TXK: variants seen among roughly 807,000 people sequenced by gnomAD.
TXK encodes TXK tyrosine kinase.
A neutral mutation model predicts 81.0 loss-of-function variants in TXK; 60 were observed. That is an observed-to-expected ratio of 0.74 (90% CI 0.60 to 0.92). The LOEUF (loss-of-function observed/expected upper bound fraction) is 0.92, where lower values mean the gene tolerates loss of function less well. Among genes scored for constraint, TXK ranks in the 40% least tolerant of loss-of-function variants. The pLI, the probability that TXK is intolerant of heterozygous loss-of-function variation, is 0.00. For missense variants in TXK, 581 were observed against 638.3 expected, an observed-to-expected ratio of 0.91 and a Z score of 0.97; for synonymous variants, 203 against 210.7, an observed-to-expected ratio of 0.96 and a Z score of 0.32.
chr4:48,083,110 C>T (rs1026154945), intron 10 of TXK, among the ~76,000 whole-genome samples: 5 of 152,316 alleles, frequency 3.3e-5, no homozygotes, highest in South Asian at 2.1e-4. Context: ...AAGCCATCTG[C>T]GGATCACAAG....
chr4:48,070,586 A>G (rs950573635), intron 14 of TXK, among the ~76,000 whole-genome samples: 1 of 151,702 alleles, frequency 6.6e-6, no homozygotes, highest in Admixed American at 6.6e-5. Context: ...TTATTTATTT[A>G]TTTATTTTTT....
At chr4:48,103,537 T>C (rs1308501537) in intron 6 of TXK, among the ~76,000 whole-genome samples, 1 of 152,248 alleles carries the variant, frequency 6.6e-6, no homozygotes, top group Non-Finnish European at 1.5e-5. Flanking sequence ...GCATTGAGTT[T>C]TGAGTTACAG....
In TXK at chr4:48,088,582, G is replaced by A. The variant is rs183117867; in HGVS notation, c.784+1168C>T. Among the ~76,000 whole-genome samples the A allele has an allele frequency of 1.5e-3, 229 of 152,206 alleles. 1 individual carries two copies. Among genetic ancestry groups the A allele is most frequent in the African/African-American group, 5.4e-3 (223 of 41,544 alleles). On this transcript the variant is annotated intron_variant, in intron 9 of 14. Transcript: ENST00000264316. Reference sequence around the variant, plus strand: ...CCAGACACAAAAAACTGCAGCGTCCGATTCTGTTTATATAACGTAATCAAA... The same window carrying A: ...CCAGACACAAAAAACTGCAGCGTCCAATTCTGTTTATATAACGTAATCAAA...
At chr4:48,074,566 T>C (rs1716991337) in intron 12 of TXK, among the ~76,000 whole-genome samples, 1 of 152,164 alleles carries the variant, frequency 6.6e-6, no homozygotes, top group South Asian at 2.1e-4. Flanking sequence ...AAATCTCTAA[T>C]GCACTAGAAT....
intron 1 of TXK, among the ~76,000 whole-genome samples, chr4:48,130,788 G>C (rs1455202044): frequency 6.6e-6 from 1 of 152,156 alleles, no homozygotes; most frequent in African/African-American, 2.4e-5. Flanking sequence ...ATACAAAAAG[G>C]AGTAAGATAG....
chr4:48,078,870 T>G (rs538426748), intron 11 of TXK, among the ~76,000 whole-genome samples: 4 of 152,308 alleles, frequency 2.6e-5, no homozygotes, highest in African/African-American at 7.2e-5. Context: ...GCAGAATGCT[T>G]GGCATATACT....
chr4:48,105,957 A>C (rs1177919716), intron 5 of TXK: 1 of 152,244 alleles, frequency 6.6e-6, no homozygotes, highest in African/African-American at 2.4e-5. Flanking sequence ...AGCTAAACAT[A>C]CAGTTTGATA....
At chr4:48,098,639 G>T (rs189773629) in intron 6 of TXK, among the ~76,000 whole-genome samples, 1 of 152,186 alleles carries the variant, frequency 6.6e-6, no homozygotes, top group Non-Finnish European at 1.5e-5. Flanking sequence ...ATCCAGCATC[G>T]TGCTATATGT....
At chr4:48,112,052 A>T (rs937021128) in intron 4 of TXK, among the ~76,000 whole-genome samples, 1 of 152,234 alleles carries the variant, frequency 6.6e-6, no homozygotes, top group Admixed American at 6.5e-5. Context: ...CAAATAAAGA[A>T]ACAAAAACTC....
In TXK at chr4:48,067,516, T is replaced by C. The variant is rs1005519054; in HGVS notation, c.*121A>G. On this transcript the variant is annotated 3_prime_UTR_variant, in exon 15 of 15. Coordinates refer to ENST00000264316, the MANE Select transcript of TXK (RefSeq NM_003328.3). ...TTTAAAAACTGTGATCTTTGCACTG[T>C]TTTCAAGAGTCAGCAACTCTGAAGA... 5 of 1,030,830 alleles carry C rather than the reference T, an allele frequency of 4.9e-6. No individual in the cohort carries two copies. In the Admixed American group the frequency reaches 8.5e-5, roughly 18 times the overall value. The allele number at this position is 1,030,830 out of a possible 1,614,324, so 63.9% of individuals were successfully genotyped here.
chr4:48,082,999 T>G (rs1717370087), intron 10 of TXK, among the ~76,000 whole-genome samples: 2 of 152,182 alleles, frequency 1.3e-5, no homozygotes, highest in South Asian at 4.1e-4. Context: ...TGTGACCTGA[T>G]CTTCCAGGAC....
chr4:48,130,943 ACT>A (rs1411662416), intron 1 of TXK, among the ~76,000 whole-genome samples: 2 of 151,862 alleles, frequency 1.3e-5, no homozygotes, highest in Non-Finnish European at 2.9e-5. Flanking sequence ...CTTAGAAACC[ACT>A]CTTTCTACTC....
chr4:48,120,465 T>A (rs1718927873), intron 1 of TXK, among the ~76,000 whole-genome samples: 1 of 151,732 alleles, frequency 6.6e-6, no homozygotes, highest in South Asian at 2.1e-4. Context: ...TGCTCTCTAT[T>A]TATTGTAAAA....
intron 8 of TXK, among the ~76,000 whole-genome samples, chr4:48,090,427 A>G (rs1031930560): frequency 5.3e-5 from 8 of 152,128 alleles, no homozygotes; most frequent in African/African-American, 1.9e-4. Flanking sequence ...ATCTTTGTTT[A>G]TTTGATTTTT....
intron 6 of TXK, among the ~76,000 whole-genome samples, chr4:48,104,109 G>A (rs1051092256): frequency 4.8e-5 from 7 of 145,014 alleles, no homozygotes; most frequent in African/African-American, 1.5e-4. Context: ...GGCTGAGGTG[G>A]GAGGATAGCT....
rs573906812 is a variant in TXK, at chr4:48,111,009, G to A, written c.381-406C>T. Among the ~76,000 whole-genome samples, 4 of 152,328 alleles carry A rather than the reference G, an allele frequency of 2.6e-5. No homozygotes were observed. In the South Asian group the frequency reaches 6.2e-4, roughly 24 times the overall value. ...TAGCTACTTTGCTAGTAGAAGCAAC[G>A]CTGTAAAGAAATCCTTGAACACGCC... On this transcript the variant is annotated intron_variant, in intron 4 of 14. Coordinates refer to ENST00000264316, the MANE Select transcript of TXK (RefSeq NM_003328.3).
chr4:48,089,846 T>C, intron 8 of TXK, 22 bp from the exon 9 acceptor site: 1 of 1,568,508 alleles, frequency 6.4e-7, no homozygotes, highest in Non-Finnish European at 8.8e-7. Flanking sequence ...GAGAAATCAA[T>C]ATTTCAAGCC....
In TXK at chr4:48,114,398, G is replaced by A. The variant is rs1718737242; in HGVS notation, c.21C>T (p.Asn7=). MILSSY[N]TIQSVFCCCC... is the part of the protein sequence containing the mutation. ...AGCAACAGAAAACCGACTGGATGGT[G>A]TTATCTGAAAAGCAGATCATTTCTC... Residue 7 remains asparagine, a synonymous_variant, in exon 2 of 15, where the codon AAC becomes AAT. Coordinates refer to ENST00000264316, the MANE Select transcript of TXK (RefSeq NM_003328.3). 6.2e-7 allele frequency: 1 copy of A among 1,614,148 alleles called. No individual in the cohort carries two copies. Among genetic ancestry groups the A allele is most frequent in the South Asian group, 1.1e-5 (1 of 91,088 alleles).
chr4:48,097,897 G>C (rs1718044628), intron 6 of TXK, among the ~76,000 whole-genome samples: 1 of 150,994 alleles, frequency 6.6e-6, no homozygotes, highest in East Asian at 2.0e-4. Context: ...ACAGGCGCCC[G>C]TCACCACGCC....
Sources: allele counts gnomAD v4.1 joint callset (sites outside exome capture counted in the v4.1 genomes callset), GRCh38; gene constraint gnomAD v4.1.1; transcripts MANE v1.5; gene names NCBI Gene and HGNC (gene_info 2026-07-23, HGNC 2026-07-21).